MACF1: variants seen among roughly 807,000 people sequenced by gnomAD.
MACF1 encodes microtubule-actin cross-linking factor 1.
In MACF1, 193 loss-of-function variants were observed where a neutral mutation model predicts 854.8. That is an observed-to-expected ratio of 0.23 (90% CI 0.20 to 0.25). The LOEUF is 0.25. Among genes scored for constraint, MACF1 ranks in the 10% least tolerant of loss-of-function variants. The pLI, the probability that MACF1 is intolerant of heterozygous loss-of-function variation, is 1.00. For synonymous variants in MACF1, 3,185 were observed against 3,226.7 expected (o/e 0.99, Z 0.44); for missense variants, 7,722 against 8,929.1 (o/e 0.86, Z 5.45).
At chr1:39,226,427 G>A (rs761339819) in intron 1 of MACF1, among the ~76,000 whole-genome samples, 1 of 150,852 alleles carries the variant, frequency 6.6e-6, no homozygotes, top group Non-Finnish European at 1.5e-5. Flanking sequence ...TGCAACCTCC[G>A]CCTCCCAGGT....
intron 1 of MACF1, among the ~76,000 whole-genome samples, chr1:39,224,714 T>C (rs1644692868): frequency 6.6e-6 from 1 of 152,038 alleles, no homozygotes; most frequent in Non-Finnish European, 1.5e-5. Flanking sequence ...TTGGATTAAG[T>C]TTCCTATGGA....
At position 39,431,028 on chromosome 1, in the gene MACF1, G is replaced by C. The variant is rs775223744; in HGVS notation, c.17337+120G>C. ...GAATGGGCTCAAGCTAAATCTGGTG[G>C]AATAAATATGTTTCATTGATGGGAA... On this transcript the variant is annotated intron_variant, in intron 66 of 100. Transcript: ENST00000564288. 8.4e-5 allele frequency: 76 copies of C among 909,282 alleles called. No individual in the cohort carries two copies. The Middle Eastern group carries it at 1.3e-3, about 16-fold the overall frequency. 56.3% of individuals were successfully genotyped at this position (909,282 alleles called of 1,614,324 possible). A position where few individuals can be genotyped will look rare whatever the true frequency, so the allele number is the denominator to read the frequency against.
intron 86 of MACF1, 84 bp downstream of exon 86, chr1:39,452,434 C>T: frequency 7.3e-7 from 1 of 1,379,090 alleles, no homozygotes; most frequent in South Asian, 1.4e-5. Context: ...CTGTTCCAGT[C>T]AGTCTTGAAA....
At chr1:39,147,029 C>A (rs1353447288) in intron 2 of MACF1, among the ~76,000 whole-genome samples, 1 of 151,336 alleles carries the variant, frequency 6.6e-6, no homozygotes, top group Admixed American at 6.6e-5. Context: ...TTCCTTCTTC[C>A]TTCCTTCTTC....
At chr1:39,451,292 C>T (rs991313632) in intron 85 of MACF1, 81 bp downstream of exon 85, 1 of 1,343,040 alleles carries the variant, frequency 7.4e-7, no homozygotes, top group African/African-American at 1.5e-5. Context: ...ATATGACTGC[C>T]TCTGCCCTTC....
intron 2 of MACF1, among the ~76,000 whole-genome samples, chr1:39,150,162 C>T (rs866339919): frequency 1.3e-5 from 2 of 152,152 alleles, no homozygotes; most frequent in Middle Eastern, 3.4e-3. Flanking sequence ...GGGTTACAGG[C>T]GCATGTCACC....
At chr1:39,362,710 T>C (rs630519) in intron 49 of MACF1, among the ~76,000 whole-genome samples, 20,087 of 152,214 alleles carry the variant, frequency 0.13, 2,599 homozygotes, top group African/African-American at 0.33. Flanking sequence ...ATCAGCTATT[T>C]ATCCAAGGAG....
intron 6 of MACF1, among the ~76,000 whole-genome samples, chr1:39,270,068 CAA>C (rs2148357608): frequency 6.6e-6 from 1 of 152,316 alleles, no homozygotes; most frequent in East Asian, 1.9e-4. Flanking sequence ...TAATGTAGCA[CAA>C]GAGACGATGG....
intron 58 of MACF1, chr1:39,413,847 A>G (rs1643156043): frequency 6.2e-7 from 1 of 1,607,410 alleles, no homozygotes; most frequent in Admixed American, 1.7e-5. Flanking sequence ...CCCTGGAGGA[A>G]CCCACTTCCC....
intron 58 of MACF1, among the ~76,000 whole-genome samples, chr1:39,404,149 G>GTAAGTAAATAAATAAA (rs565389591): frequency 1.1e-4 from 17 of 148,540 alleles, no homozygotes; most frequent in African/African-American, 4.0e-4. Context: ...AAATAAGTAA[G>GTAAGTAAATAAATAAA]TAAATAAATA....
Position 39,439,355 on chromosome 1 carries a change from T to G in MACF1, c.18302T>G (p.Leu6101Arg). The change falls in exon 72 of 101, where the codon CTT (leucine) becomes CGT (arginine). Residue 6101 changes from leucine (L) to arginine (R), a missense_variant. Leu to Arg is a moderately radical substitution (Grantham distance 102). Coordinates refer to ENST00000564288, the MANE Select transcript of MACF1 (RefSeq NM_001394062.1). ...GCTGAAGAACGAGAAATCAAATTTC[T>G]TGATGTCCTTGAATTAGCAGAGAAG... ...ARAEEREIKF[L>R]DVLELAEKFW... 6.2e-7 allele frequency: 1 copy of G among 1,614,128 alleles called. No homozygotes were observed. Among genetic ancestry groups the G allele is most frequent in the Non-Finnish European group, 8.5e-7 (1 of 1,180,008 alleles).
intron 26 of MACF1, among the ~76,000 whole-genome samples, chr1:39,313,248 A>T (rs764220935): frequency 2.0e-5 from 3 of 152,220 alleles, no homozygotes; most frequent in Non-Finnish European, 2.9e-5. Flanking sequence ...ATAAGGATAC[A>T]TATGACATTA....
At chr1:39,239,020 G>A (rs1475160543) in intron 2 of MACF1, among the ~76,000 whole-genome samples, 1 of 152,138 alleles carries the variant, frequency 6.6e-6, no homozygotes, top group East Asian at 1.9e-4. Context: ...GGTGGTTCAT[G>A]CCTGTAATCC....
At chr1:39,209,746 C>T (rs1445694692) in intron 1 of MACF1, among the ~76,000 whole-genome samples, 1 of 152,112 alleles carries the variant, frequency 6.6e-6, no homozygotes, top group African/African-American at 2.4e-5. Flanking sequence ...TGTCTCCCTT[C>T]TAGTCGCTGC....
chr1:39,187,884 C>CCG (rs1644195374), intron 2 of MACF1, among the ~76,000 whole-genome samples: 1 of 20,120 alleles, frequency 5.0e-5, no homozygotes, highest in Non-Finnish European at 1.5e-4. Flanking sequence ...CTCTCTCTGT[C>CCG]TCTCTCTCTC....
intron 2 of MACF1, among the ~76,000 whole-genome samples, chr1:39,096,622 A>C (rs957478926): frequency 2.0e-5 from 3 of 151,620 alleles, no homozygotes; most frequent in African/African-American, 7.3e-5. Context: ...AGTTCCCGTA[A>C]TCACATACTT....
At chr1:39,271,492 A>G (rs887452949) in intron 6 of MACF1, among the ~76,000 whole-genome samples, 2 of 152,226 alleles carry the variant, frequency 1.3e-5, no homozygotes, top group African/African-American at 4.8e-5. Flanking sequence ...TCCCACTTCC[A>G]GTATTAGGGA....
chr1:39,233,808 T>TTTTTTTTTTTTTTTTTTTTTTG (rs755591226), intron 2 of MACF1, among the ~76,000 whole-genome samples: 2 of 65,856 alleles, frequency 3.0e-5, no homozygotes, highest in Admixed American at 2.1e-4. Flanking sequence ...ATTTATTTTT[T>TTTTTTTTTTTTTTTTTTTTTTG]ATTGATAATT....
intron 49 of MACF1, among the ~76,000 whole-genome samples, chr1:39,366,746 G>A (rs1191127779): frequency 6.7e-6 from 1 of 149,640 alleles, no homozygotes; most frequent in Non-Finnish European, 1.5e-5. Context: ...CCAGGCTGGA[G>A]TGCTATGGCA....
Sources: gnomAD v4.1 joint callset for allele counts (sites outside exome capture counted in the v4.1 genomes callset) on GRCh38, gnomAD v4.1.1 for gene constraint, MANE v1.5 for transcripts, NCBI Gene and HGNC (gene_info 2026-07-23, HGNC 2026-07-21) for gene names.